Variants in ASIC2 observed in about 807,000 individuals in gnomAD.
The protein encoded by ASIC2 is acid-sensing ion channel 2.
In ASIC2, 25 loss-of-function variants were observed where a neutral mutation model predicts 57.3. That is an observed-to-expected ratio of 0.44 (90% confidence interval 0.32 to 0.61). ASIC2 has a LOEUF of 0.61. Ranked by LOEUF, ASIC2 falls within the 20% of genes least tolerant of loss-of-function variation. ASIC2 has a pLI of 0.06. For synonymous variants in ASIC2, 319 were observed against 307.5 expected (o/e 1.04, Z -0.39); for missense variants, 641 against 738.1 (o/e 0.87, Z 1.52).
chr17:33,708,738 C>T (rs183089165), intron 1 of ASIC2, among the ~76,000 whole-genome samples: 3 of 152,244 alleles, frequency 2.0e-5, no homozygotes, highest in Non-Finnish European at 4.4e-5. Flanking sequence ...CATCTCCTCC[C>T]CTTTCCTCTC....
chr17:33,133,888 G>A (rs1415306453), intron 1 of ASIC2, among the ~76,000 whole-genome samples: 1 of 152,212 alleles, frequency 6.6e-6, no homozygotes, highest in Admixed American at 6.5e-5. Context: ...TAGCGGTGGA[G>A]GGCACAGGAA....
At chr17:33,739,922 AAG>A (rs1381502435) in intron 1 of ASIC2, among the ~76,000 whole-genome samples, 2 of 151,032 alleles carry the variant, frequency 1.3e-5, no homozygotes, top group African/African-American at 4.8e-5. Context: ...GAAAAGAAAA[AAG>A]AAAGAAAAAA....
chr17:33,327,856 G>A lies in ASIC2; in HGVS notation c.556-215789C>T, dbSNP rs554206614. Among the ~76,000 whole-genome samples the A allele has an allele frequency of 6.9e-4, 105 of 152,262 alleles. 1 individual carries two copies. The highest frequency in any genetic ancestry group is 2.5e-3 in the African/African-American group (103 of 41,546). On this transcript the variant is annotated intron_variant, in intron 1 of 9. Transcript: ENST00000359872. ...ATAAAGTCATACTGGATTAGGGTAG[G>A]CCCTAATGGCTGGTATTCTTATAAG...
At position 33,567,553 on chromosome 17, in the gene ASIC2, C is replaced by T. The variant is rs77297482; in HGVS notation, c.556-455486G>A. On this transcript the variant is annotated intron_variant, in intron 1 of 9. Coordinates refer to the ASIC2 transcript ENST00000359872. ...GAAGGGAAGAGTAAAAACAGTATTC[C>T]AGGCAGGATGGTGTCTCTGGAGGGA... Among the ~76,000 whole-genome samples, 297 of 152,186 alleles carry T rather than the reference C, an allele frequency of 2.0e-3. 1 individual carries two copies. Among genetic ancestry groups the T allele is most frequent in the African/African-American group, 6.8e-3 (282 of 41,540 alleles).
At chr17:34,133,375 A>T (rs927147623) in intron 1 of ASIC2, among the ~76,000 whole-genome samples, 5 of 152,218 alleles carry the variant, frequency 3.3e-5, no homozygotes, top group African/African-American at 1.2e-4. Flanking sequence ...CACCTAAAAA[A>T]GGTGCTGGGA....
chr17:33,708,136 A>G lies in ASIC2; in HGVS notation c.555+447842T>C, dbSNP rs149089181. The stretch of plus-strand genomic sequence containing the variant: ...GTAAAGAAGGGAATGTGGGGGTCTA[A>G]TTATTTCTTTTATGGAGTTTCAACC... On this transcript the variant is annotated intron_variant, in intron 1 of 9. Transcript: ENST00000359872. Among the ~76,000 whole-genome samples the G allele has an allele frequency of 1.4e-4, 22 of 152,246 alleles. No individual in the cohort carries two copies. In the East Asian group the frequency reaches 4.3e-3, roughly 29 times the overall value.
At chr17:33,919,700 A>G (rs1915668324) in intron 1 of ASIC2, among the ~76,000 whole-genome samples, 1 of 152,250 alleles carries the variant, frequency 6.6e-6, no homozygotes, top group Non-Finnish European at 1.5e-5. Flanking sequence ...ATCGCTCTGC[A>G]CAGCAAAATA....
chr17:33,080,004 T>C (rs1014425903), intron 3 of ASIC2, among the ~76,000 whole-genome samples: 4 of 152,040 alleles, frequency 2.6e-5, no homozygotes, highest in South Asian at 4.1e-4. Flanking sequence ...GGGATGTCCA[T>C]GGGACTCTAA....
intron 1 of ASIC2, among the ~76,000 whole-genome samples, chr17:33,881,968 C>T (rs1914711322): frequency 6.6e-6 from 1 of 152,244 alleles, no homozygotes; most frequent in South Asian, 2.1e-4. Context: ...CATCTACAAC[C>T]ATCTGATCTT....
intron 1 of ASIC2, among the ~76,000 whole-genome samples, chr17:33,752,307 G>A (rs1200779871): frequency 1.3e-5 from 2 of 152,014 alleles, no homozygotes; most frequent in African/African-American, 4.8e-5. Flanking sequence ...TATAACCTTA[G>A]CACCACTTCT....
At position 33,821,419 on chromosome 17, in the gene ASIC2, C is replaced by T. The variant is rs1912742788; in HGVS notation, c.555+334559G>A. 2.6e-5 allele frequency among the ~76,000 whole-genome samples: 4 copies of T among 152,086 alleles called. No individual in the cohort carries two copies. The South Asian group carries it at 8.3e-4, about 32-fold the overall frequency. On this transcript the variant is annotated intron_variant, in intron 1 of 9. Coordinates refer to the ASIC2 transcript ENST00000359872. ...GTTGAGTCTATGCACACCTCTTGGC[C>T]CTTTAATACACTTGAGGCTTGGCGC... is the stretch of plus-strand genomic sequence containing the variant.
chr17:33,015,299 CAGG>C (rs2091799996), intron 9 of ASIC2, among the ~76,000 whole-genome samples: 1 of 152,134 alleles, frequency 6.6e-6, no homozygotes, highest in Non-Finnish European at 1.5e-5. Context: ...GGCCTGAGCC[CAGG>C]AGTAGACTGA....
At chr17:33,162,646 C>G (rs916986421) in intron 1 of ASIC2, among the ~76,000 whole-genome samples, 1 of 152,224 alleles carries the variant, frequency 6.6e-6, no homozygotes, top group Non-Finnish European at 1.5e-5. Flanking sequence ...ACCTGATGCT[C>G]CAGCTCTAGT....
At chr17:33,436,738 T>C (rs1338328217) in intron 1 of ASIC2, among the ~76,000 whole-genome samples, 2 of 151,946 alleles carry the variant, frequency 1.3e-5, no homozygotes, top group Non-Finnish European at 2.9e-5. Context: ...ACAGTCTCAG[T>C]GACTTGGTTA....
chr17:33,604,925 A>G (rs1905192166), intron 1 of ASIC2, among the ~76,000 whole-genome samples: 1 of 152,174 alleles, frequency 6.6e-6, no homozygotes, highest in Non-Finnish European at 1.5e-5. Context: ...AGTTAGAATC[A>G]GACCCCAGCC....
chr17:33,148,873 C>A (rs1904669403), intron 1 of ASIC2, among the ~76,000 whole-genome samples: 1 of 152,166 alleles, frequency 6.6e-6, no homozygotes, highest in South Asian at 2.1e-4. Context: ...GCAGGCGGAT[C>A]ATCTGAGGTC....
intron 1 of ASIC2, among the ~76,000 whole-genome samples, chr17:33,363,394 G>A (rs149288699): frequency 6.6e-6 from 1 of 152,196 alleles, no homozygotes; most frequent in African/African-American, 2.4e-5. Context: ...TGACTTTTCC[G>A]TTGGTTGCTG....
intron 1 of ASIC2, among the ~76,000 whole-genome samples, chr17:33,342,394 G>A (rs951796290): frequency 3.6e-4 from 54 of 152,052 alleles, no homozygotes; most frequent in African/African-American, 1.3e-3. Flanking sequence ...AGGTTTATGT[G>A]TGTGTGTTTT....
intron 2 of ASIC2, among the ~76,000 whole-genome samples, chr17:33,111,150 C>T (rs983254700): frequency 2.0e-5 from 3 of 152,298 alleles, no homozygotes; most frequent in Non-Finnish European, 4.4e-5. Context: ...ATGAAGACTT[C>T]TGTGATTACA....
Sources: allele counts gnomAD v4.1 joint callset (sites outside exome capture counted in the v4.1 genomes callset), GRCh38; gene constraint gnomAD v4.1.1; transcripts MANE v1.5; gene names NCBI Gene and HGNC (gene_info 2026-07-23, HGNC 2026-07-21).